ABCA8: variants seen among roughly 807,000 people sequenced by gnomAD.
The protein encoded by ABCA8 is ABC-type organic anion transporter ABCA8.
Under a neutral mutation model 192.3 loss-of-function variants are expected in ABCA8, and 177 were observed. That is an observed-to-expected ratio of 0.92 (90% confidence interval 0.81 to 1.04). The LOEUF (loss-of-function observed/expected upper bound fraction) is 1.04, where lower values mean the gene tolerates loss of function less well. ABCA8 is among the 50% of genes least tolerant of loss of function. The pLI is 0.00. For missense variants in ABCA8, 1,915 were observed against 1,904.8 expected (o/e 1.01, Z -0.10); for synonymous variants, 642 against 690.2 (o/e 0.93, Z 1.09).
At chr17:68,922,015 A>T (rs568941531) in intron 12 of ABCA8, among the ~76,000 whole-genome samples, 1 of 152,118 alleles carries the variant, frequency 6.6e-6, no homozygotes, top group Admixed American at 6.5e-5. Flanking sequence ...TTTCTAAAAC[A>T]TATTCATTTT....
intron 19 of ABCA8, among the ~76,000 whole-genome samples, chr17:68,904,619 G>A (rs1462251185): frequency 6.6e-6 from 1 of 152,134 alleles, no homozygotes; most frequent in East Asian, 1.9e-4. Context: ...TTATATGTGG[G>A]CTGATATAAC....
At chr17:68,908,012 A>C in intron 17 of ABCA8, 133 bp from the exon 18 acceptor site, 1 of 851,534 alleles carries the variant, frequency 1.2e-6, no homozygotes, top group South Asian at 4.0e-5. Context: ...TCAGACAAAC[A>C]CAAAATAAGA....
chr17:68,901,276 T>TATAGATAC lies in ABCA8; in HGVS notation c.2764+1436_2764+1437insGTATCTAT, dbSNP rs1312611942. Among the ~76,000 whole-genome samples, 17 of 82,696 alleles carry TATAGATAC rather than the reference T, an allele frequency of 2.1e-4. No homozygotes were observed. The Admixed American group carries it at 2.4e-3, about 12-fold the overall frequency. The allele number at this position is 82,696 out of a possible 152,430, so 54.3% of individuals were successfully genotyped here. On this transcript the variant is annotated intron_variant, in intron 21 of 39. Transcript: ENST00000586539. ...GTATCTGATAAAAGAATTTTTATCA[T>TATAGATAC]AACACTTAGAACTCAATTAAAAATA...
chr17:68,900,746 AT>A (rs2066886497), intron 21 of ABCA8, among the ~76,000 whole-genome samples: 1 of 152,122 alleles, frequency 6.6e-6, no homozygotes, highest in Non-Finnish European at 1.5e-5. Context: ...ATGACCAAGT[AT>A]GATTTATCCT....
intron 27 of ABCA8, chr17:68,884,940 C>T (rs934073736): frequency 2.6e-6 from 2 of 775,924 alleles, no homozygotes; most frequent in Admixed American, 1.3e-4. Flanking sequence ...TAAGGCCCCA[C>T]ATGAGTATAA....
intron 24 of ABCA8, among the ~76,000 whole-genome samples, chr17:68,889,187 G>GA (rs555541403): frequency 1.3e-5 from 2 of 152,252 alleles, no homozygotes; most frequent in African/African-American, 4.8e-5. Flanking sequence ...CAGAGAGAGA[G>GA]AAAAAACGAA....
chr17:68,907,650 A>G, intron 18 of ABCA8, 90 bp downstream of exon 18: 1 of 1,183,876 alleles, frequency 8.4e-7, no homozygotes, highest in Non-Finnish European at 1.1e-6. Flanking sequence ...ATACTGTAAG[A>G]CATTGATAAA....
chr17:68,872,732 ACT>A (rs1167433625), intron 37 of ABCA8, among the ~76,000 whole-genome samples: 1 of 151,710 alleles, frequency 6.6e-6, no homozygotes, highest in East Asian at 1.9e-4. Flanking sequence ...GATAATCCTG[ACT>A]CTGTGTAGGC....
chr17:68,876,347 G>A lies in ABCA8; in HGVS notation c.4370+113C>T. 5 of 1,231,228 alleles carry A rather than the reference G, an allele frequency of 4.1e-6. 1 individual carries two copies. The South Asian group carries it at 7.0e-5, about 17-fold the overall frequency. The allele number at this position is 1,231,228 out of a possible 1,614,324, so 76.3% of individuals were successfully genotyped here. ...ATTGGTTTTACAAGTGACATTGATA[G>A]TTTTTTTGTTCTCCACAAAAGAGTT... is the stretch of plus-strand genomic sequence containing the variant. On this transcript the variant is annotated intron_variant, in intron 35 of 39. Transcript: ENST00000586539.
chr17:68,921,060 T>C (rs530814260), intron 13 of ABCA8, among the ~76,000 whole-genome samples: 1 of 152,256 alleles, frequency 6.6e-6, no homozygotes, highest in African/African-American at 2.4e-5. Flanking sequence ...GGGACATGGA[T>C]GAAGCTGGAA....
chr17:68,919,257 A>C, intron 14 of ABCA8, 44 bp downstream of exon 14: 1 of 1,511,218 alleles, frequency 6.6e-7, no homozygotes, highest in Non-Finnish European at 9.0e-7. Flanking sequence ...TGGTTTTAAT[A>C]ATCTCATTTT....
chr17:68,915,354 G>C (rs889576401), intron 17 of ABCA8, among the ~76,000 whole-genome samples: 1 of 152,070 alleles, frequency 6.6e-6, no homozygotes, highest in African/African-American at 2.4e-5. Context: ...TAGAGTAGGA[G>C]AAAATATTTG....
chr17:68,919,536 C>A, intron 13 of ABCA8, 60 bp from the exon 14 acceptor site: 2 of 1,438,746 alleles, frequency 1.4e-6, no homozygotes, highest in Non-Finnish European at 1.9e-6. Context: ...AATAAAATCG[C>A]TGTTAATTAA....
At chr17:68,887,897 T>TATATATATATA (rs2066513082) in intron 24 of ABCA8, among the ~76,000 whole-genome samples, 1 of 46,158 alleles carries the variant, frequency 2.2e-5, no homozygotes, top group African/African-American at 1.6e-4. Context: ...TATATATATA[T>TATATATATATA]ATATATATAT....
intron 24 of ABCA8, among the ~76,000 whole-genome samples, chr17:68,889,693 C>T (rs1333707171): frequency 1.3e-5 from 2 of 152,126 alleles, no homozygotes. Context: ...AGTCAATAGC[C>T]TTTACCACTG....
chr17:68,884,468 T>G (rs2066411920), intron 27 of ABCA8, 72 bp from the exon 28 acceptor site: 1 of 1,494,238 alleles, frequency 6.7e-7, no homozygotes, highest in Non-Finnish European at 8.9e-7. Flanking sequence ...ATACGTGAAT[T>G]GGCCCTAAAC....
At chr17:68,926,754 G>C (rs1202994021) in intron 10 of ABCA8, among the ~76,000 whole-genome samples, 1 of 152,116 alleles carries the variant, frequency 6.6e-6, no homozygotes, top group East Asian at 1.9e-4. Flanking sequence ...TTAAAGGATT[G>C]TCTTAAAAAC....
At chr17:68,874,572 A>G (rs1170156405) in intron 37 of ABCA8, among the ~76,000 whole-genome samples, 1 of 152,222 alleles carries the variant, frequency 6.6e-6, no homozygotes, top group Non-Finnish European at 1.5e-5. Context: ...TACAGCCATG[A>G]GCTGGACATT....
intron 38 of ABCA8, among the ~76,000 whole-genome samples, chr17:68,868,771 A>C (rs569899527): frequency 6.6e-6 from 1 of 152,288 alleles, no homozygotes; most frequent in South Asian, 2.1e-4. Context: ...TCTATCCAAA[A>C]ACCATTGCAG....
Sources: gnomAD v4.1 joint callset for allele counts (sites outside exome capture counted in the v4.1 genomes callset) on GRCh38, gnomAD v4.1.1 for gene constraint, MANE v1.5 for transcripts, NCBI Gene and HGNC (gene_info 2026-07-23, HGNC 2026-07-21) for gene names.